The following DTNB variants were observed in gnomAD, a reference collection of about 807,000 sequenced individuals.
DTNB encodes DTN-B.
DTNB carries 63 observed loss-of-function variants against 90.7 expected under a neutral mutation model. The observed-to-expected ratio is 0.69, with a 90% CI of 0.57 to 0.86. The LOEUF (loss-of-function observed/expected upper bound fraction) is 0.86, where lower values mean the gene tolerates loss of function less well. Among genes scored for constraint, DTNB ranks in the 40% least tolerant of loss-of-function variants. The probability of loss-of-function intolerance (pLI) is 0.00; values close to 1 mark genes in which losing one functional copy is unlikely to be tolerated. For synonymous variants in DTNB, 277 were observed against 286.7 expected (o/e 0.97, Z 0.34); for missense variants, 744 against 807.1 (o/e 0.92, Z 0.95).
chr2:25,533,729 T>C (rs1263978189), intron 8 of DTNB, among the ~76,000 whole-genome samples: 4 of 152,250 alleles, frequency 2.6e-5, no homozygotes, highest in African/African-American at 9.6e-5. Context: ...GGCATGTGCC[T>C]TTCCCAGGTC....
At position 25,387,211 on chromosome 2, in the gene DTNB, C is replaced by A; in HGVS notation, c.1825+78G>T. The A allele has an allele frequency of 1.4e-6, 2 of 1,419,690 alleles. No homozygotes were observed. Among genetic ancestry groups the A allele is most frequent in the South Asian group, 1.2e-5 (1 of 80,210 alleles). 87.9% of individuals were successfully genotyped at this position (1,419,690 alleles called of 1,614,324 possible). ...TGCAAGCTGGGTGGTGAGGTTCTGC[C>A]GGTGCTGGCAAGGAAGTGAGAAGGG... On this transcript the variant is annotated intron_variant, in intron 18 of 20. Coordinates refer to ENST00000406818, the MANE Select transcript of DTNB (RefSeq NM_021907.5). This position sits in a 1 kb window ranked among gnomAD's most constrained non-coding sequence, Gnocchi z 4.5.
At chr2:25,437,730 G>A (rs2056312232) in intron 12 of DTNB, among the ~76,000 whole-genome samples, 1 of 152,122 alleles carries the variant, frequency 6.6e-6, no homozygotes, top group Admixed American at 6.5e-5. Context: ...AGGATGCTTT[G>A]GCCAGAGAGA....
intron 1 of DTNB, among the ~76,000 whole-genome samples, chr2:25,653,379 C>A (rs2081341665): frequency 6.8e-6 from 1 of 147,826 alleles, no homozygotes; most frequent in East Asian, 2.0e-4. Flanking sequence ...CACCATGATT[C>A]TGAGGCCTCT....
chr2:25,591,072 C>G (rs967054222), intron 6 of DTNB, among the ~76,000 whole-genome samples: 11 of 152,240 alleles, frequency 7.2e-5, no homozygotes, highest in Admixed American at 7.2e-4. Context: ...CAGGCTGCAA[C>G]AGTGCCCGAG....
At chr2:25,541,274 T>C (rs1282063551) in intron 8 of DTNB, among the ~76,000 whole-genome samples, 4 of 151,170 alleles carry the variant, frequency 2.6e-5, no homozygotes, top group Non-Finnish European at 4.4e-5. Context: ...AGGTCAGGAG[T>C]CCAAGACCAG....
chr2:25,526,395 A>ATATATATATATATATATATTTTT, intron 9 of DTNB, among the ~76,000 whole-genome samples: 1 of 49,828 alleles, frequency 2.0e-5, no homozygotes, highest in Non-Finnish European at 3.4e-5. Context: ...ATATATATAT[A>ATATATATATATATATATATTTTT]TTTTTTTTTT....
intron 3 of DTNB, among the ~76,000 whole-genome samples, chr2:25,638,575 CTTTAT>C (rs754542184): frequency 3.9e-5 from 6 of 152,184 alleles, no homozygotes; most frequent in Non-Finnish European, 7.4e-5. Context: ...CACACACACA[CTTTAT>C]TTTATGATCC....
At chr2:25,515,106 A>T (rs2074806925) in intron 9 of DTNB, among the ~76,000 whole-genome samples, 1 of 152,198 alleles carries the variant, frequency 6.6e-6, no homozygotes, top group Non-Finnish European at 1.5e-5. Flanking sequence ...TACATAGAAG[A>T]TGACTGTGCC....
chr2:25,432,245 CCCTTT>C (rs2054138673), intron 14 of DTNB, among the ~76,000 whole-genome samples: 9 of 124,728 alleles, frequency 7.2e-5, no homozygotes, highest in Non-Finnish European at 5.5e-5. Context: ...ACACACACAC[CCCTTT>C]CTAAGGCTCA....
chr2:25,645,216 C>CT (rs35466285), intron 2 of DTNB, among the ~76,000 whole-genome samples: 69,087 of 151,680 alleles, frequency 0.46, 16,953 homozygotes, highest in East Asian at 0.77. Flanking sequence ...AACCCCGTCA[C>CT]TACTAGAAAT....
chr2:25,554,393 T>A (rs1439964622), intron 8 of DTNB, among the ~76,000 whole-genome samples: 1 of 151,970 alleles, frequency 6.6e-6, no homozygotes, highest in Admixed American at 6.6e-5. Flanking sequence ...TTTCAAAAAA[T>A]TTATTGAGAA....
At chr2:25,411,674 C>A (rs1385389209) in intron 16 of DTNB, among the ~76,000 whole-genome samples, 1 of 152,170 alleles carries the variant, frequency 6.6e-6, no homozygotes, top group Non-Finnish European at 1.5e-5. Context: ...CGCAGTGGTG[C>A]CTGAGGCCCG....
chr2:25,396,309 G>C (rs1558336890), intron 16 of DTNB, among the ~76,000 whole-genome samples: 1 of 152,110 alleles, frequency 6.6e-6, no homozygotes, highest in Non-Finnish European at 1.5e-5. Flanking sequence ...ACAGGAGTTC[G>C]AGACCAGCCT....
chr2:25,493,204 A>C (rs1036878331), intron 9 of DTNB, among the ~76,000 whole-genome samples: 2 of 152,200 alleles, frequency 1.3e-5, no homozygotes, highest in African/African-American at 4.8e-5. Context: ...ATTATGCCCT[A>C]ATGCTTTCAT....
At chr2:25,444,224 T>C (rs1441618640) in intron 12 of DTNB, among the ~76,000 whole-genome samples, 1 of 152,184 alleles carries the variant, frequency 6.6e-6, no homozygotes, top group Non-Finnish European at 1.5e-5. Flanking sequence ...CATTATAGTT[T>C]TGTTTTTAAA....
chr2:25,383,868 TCTTCCTCTGCAC>T lies in DTNB; in HGVS notation c.1835_1846del (p.Gly612_Glu615del), dbSNP rs1475642136. Reference sequence around the variant, plus strand: ...TTTCCCATTCTGCATCTTCTCTTCTTCTTCCTCTGCACCTTCCTCTGCTGTGAAAACAAGTCC... The same window carrying T: ...TTTCCCATTCTGCATCTTCTCTTCTTCTTCCTCTGCTGTGAAAACAAGTCC... On this transcript the variant is annotated inframe_deletion, in exon 19 of 21. Transcript: ENST00000406818. The T allele has an allele frequency of 7.4e-6, 12 of 1,614,058 alleles. No homozygotes were observed. The East Asian group carries it at 1.3e-4, about 18-fold the overall frequency.
Position 25,615,405 on chromosome 2 carries a change from G to C in DTNB, c.363-8084C>G, listed in dbSNP as rs918785916. Among the ~76,000 whole-genome samples, 5 of 152,114 alleles carry C rather than the reference G, an allele frequency of 3.3e-5. No homozygotes were observed. In the South Asian group the frequency reaches 1.0e-3, roughly 32 times the overall value. On this transcript the variant is annotated intron_variant, in intron 4 of 20. Coordinates refer to ENST00000406818, the MANE Select transcript of DTNB (RefSeq NM_021907.5). ...TCCTTCTTGGAGGTTAAGGAGTGGGGCTTAAAGTCCCAACTCTCTAATCAA... is the reference window on the plus strand; with the variant it reads ...TCCTTCTTGGAGGTTAAGGAGTGGGCCTTAAAGTCCCAACTCTCTAATCAA...
chr2:25,652,780 T>A, intron 1 of DTNB, 119 bp from the exon 2 acceptor site: 2 of 919,326 alleles, frequency 2.2e-6, no homozygotes, highest in African/African-American at 1.7e-5. Context: ...TTTAAGACAG[T>A]ATCAGTAAAA....
chr2:25,577,436 C>A (rs1384138823), intron 7 of DTNB, among the ~76,000 whole-genome samples: 1 of 150,400 alleles, frequency 6.6e-6, no homozygotes. Context: ...GATTCTGTCT[C>A]AAAAACAAAA....
Sources: gnomAD v4.1 joint callset for allele counts (sites outside exome capture counted in the v4.1 genomes callset) on GRCh38, gnomAD v4.1.1 for gene constraint, Gnocchi (gnomAD v3.1) non-coding constraint, MANE v1.5 for transcripts, NCBI Gene and HGNC (gene_info 2026-07-23, HGNC 2026-07-21) for gene names.